ABCB1: variants seen among roughly 807,000 people sequenced by gnomAD.
ABCB1 encodes the protein ATP binding cassette subfamily B member 1, also known as ATP-dependent translocase ABCB1.
In ABCB1, 69 loss-of-function variants were observed where a neutral mutation model predicts 142.0. The ratio of observed to expected loss-of-function variants is 0.49; its 90% confidence interval spans 0.40 to 0.59. The LOEUF (loss-of-function observed/expected upper bound fraction) is 0.59. Ranked by LOEUF, ABCB1 falls within the 20% of genes least tolerant of loss-of-function variation. ABCB1 has a pLI of 0.00. For missense variants in ABCB1, 1,326 were observed against 1,554.7 expected (o/e 0.85, Z 2.47); for synonymous variants, 532 against 539.2 (o/e 0.99, Z 0.18).
intron 4 of ABCB1, among the ~76,000 whole-genome samples, chr7:87,578,915 G>A (rs1490405303): frequency 6.6e-6 from 1 of 151,606 alleles, no homozygotes; most frequent in Admixed American, 6.6e-5. Flanking sequence ...GGATAGTCTC[G>A]ATCTCCTGAC....
Position 87,566,037 on chromosome 7 carries a change from A to G in ABCB1, c.702+33T>C, listed in dbSNP as rs775112289. 2.5e-6 allele frequency: 4 copies of G among 1,612,758 alleles called. No individual in the cohort carries two copies. The East Asian group carries it at 8.9e-5, about 36-fold the overall frequency. ...GTGAGAGCAGGAAGGGAGAAGGTGC[A>G]GTTCAAAATCTGGATTCACAGGCTT... On this transcript the variant is annotated intron_variant, in intron 7 of 27. Transcript: ENST00000622132.
At chr7:87,567,046 C>G in intron 5 of ABCB1, 70 bp from the exon 6 acceptor site, 2 of 1,451,892 alleles carry the variant, frequency 1.4e-6, no homozygotes, top group South Asian at 2.3e-5. Context: ...AAAGAGACCA[C>G]TCATTCCTAT....
chr7:87,646,393 G>A (rs955727160), intron 1 of ABCB1, among the ~76,000 whole-genome samples: 2 of 152,114 alleles, frequency 1.3e-5, no homozygotes, highest in African/African-American at 4.8e-5. Flanking sequence ...GGTGGAAATT[G>A]AGTTCTAACC....
chr7:87,530,753 C>T (rs1228096211), intron 21 of ABCB1, among the ~76,000 whole-genome samples: 1 of 149,120 alleles, frequency 6.7e-6, no homozygotes, highest in Non-Finnish European at 1.5e-5. Flanking sequence ...GGCTTACTTT[C>T]CTCAATAAAG....
intron 1 of ABCB1, among the ~76,000 whole-genome samples, chr7:87,697,132 C>T (rs1485399482): frequency 6.6e-6 from 1 of 152,160 alleles, no homozygotes; most frequent in Non-Finnish European, 1.5e-5. Flanking sequence ...GACCCTTGTA[C>T]ATTTCCTTAA....
chr7:87,567,187 G>A (rs1015344348), intron 5 of ABCB1, among the ~76,000 whole-genome samples: 5 of 152,204 alleles, frequency 3.3e-5, no homozygotes, highest in African/African-American at 1.2e-4. Context: ...TTCTGCTTTG[G>A]CTCAAATCCC....
intron 24 of ABCB1, 64 bp from the exon 25 acceptor site, chr7:87,515,492 ACT>A (rs768348216): frequency 2.8e-5 from 41 of 1,453,774 alleles, no homozygotes; most frequent in Non-Finnish European, 3.8e-5. Context: ...TGTATAGCTA[ACT>A]CTCTCGATTA....
intron 1 of ABCB1, among the ~76,000 whole-genome samples, chr7:87,623,396 C>T (rs1820295854): frequency 6.6e-6 from 1 of 152,196 alleles, no homozygotes; most frequent in African/African-American, 2.4e-5. Context: ...CAGCCTTTAC[C>T]CAATGACTTT....
intron 1 of ABCB1, among the ~76,000 whole-genome samples, chr7:87,702,472 A>C (rs1482359813): frequency 6.6e-6 from 1 of 151,796 alleles, no homozygotes; most frequent in African/African-American, 2.4e-5. Context: ...TAGAGATAAT[A>C]TCTCTCTTTG....
intron 7 of ABCB1, among the ~76,000 whole-genome samples, chr7:87,561,715 G>T (rs1487177981): frequency 6.6e-6 from 1 of 152,200 alleles, no homozygotes; most frequent in Non-Finnish European, 1.5e-5. Context: ...GCCAGGTGTG[G>T]TGGCTCACAC....
intron 9 of ABCB1, 51 bp downstream of exon 9, chr7:87,553,709 AT>A: frequency 6.4e-7 from 1 of 1,555,628 alleles, no homozygotes; most frequent in Non-Finnish European, 8.9e-7. Context: ...ACATTACTGG[AT>A]TTCATTGGCA....
upstream of ABCB1, among the ~76,000 whole-genome samples, chr7:87,601,602 A>G (rs956213212): frequency 1.2e-4 from 18 of 152,178 alleles, no homozygotes; most frequent in African/African-American, 4.3e-4. Context: ...ATTTCCTTCC[A>G]TATTTACTGC....
At chr7:87,626,737 GTGTCATATATA>G (rs1257710271) in intron 1 of ABCB1, among the ~76,000 whole-genome samples, 10,378 of 95,596 alleles carry the variant, frequency 0.11, 1,885 homozygotes, top group African/African-American at 0.2. Context: ...TCATATATAT[GTGTCATATATA>G]TGTCATATAT....
At chr7:87,582,334 A>C (rs1157892687) in intron 4 of ABCB1, among the ~76,000 whole-genome samples, 1 of 152,166 alleles carries the variant, frequency 6.6e-6, no homozygotes, top group African/African-American at 2.4e-5. Context: ...TGATTCCTCT[A>C]TATGGAGTCA....
chr7:87,599,697 C>T (rs1317819814), intron 2 of ABCB1, among the ~76,000 whole-genome samples: 1 of 152,070 alleles, frequency 6.6e-6, no homozygotes, highest in African/African-American at 2.4e-5. Flanking sequence ...CGATAGCAGA[C>T]GAGGGTGACT....
At chr7:87,578,333 T>A (rs990572008) in intron 4 of ABCB1, among the ~76,000 whole-genome samples, 2 of 152,232 alleles carry the variant, frequency 1.3e-5, no homozygotes, top group African/African-American at 4.8e-5. Context: ...TAGTATAATT[T>A]GAAGTCAGGT....
intron 1 of ABCB1, among the ~76,000 whole-genome samples, chr7:87,664,828 A>G (rs1389307509): frequency 6.6e-6 from 1 of 152,202 alleles, no homozygotes; most frequent in East Asian, 1.9e-4. Context: ...AATAATAGCT[A>G]TAAGTTCCTA....
rs575354446 is a variant in ABCB1, at chr7:87,700,001, G to GT, written c.-331+13159dup. On this transcript the variant is annotated intron_variant, in intron 1 of 28. Coordinates refer to the ABCB1 transcript ENST00000265724. Reference sequence around the variant, plus strand: ...AGGAGAAAAGAATTATGGTGGTGGGGTTTTTTTTTCTGTTTTTTTAAATAG... The same window carrying GT: ...AGGAGAAAAGAATTATGGTGGTGGGGTTTTTTTTTTCTGTTTTTTTAAATAG... Among the ~76,000 whole-genome samples, 655 of 150,502 alleles carry GT rather than the reference G, an allele frequency of 4.4e-3. 5 individuals are homozygous for GT. The highest frequency in any genetic ancestry group is 6.1e-3 in the Admixed American group (92 of 15,096).
chr7:87,538,555 C>T (rs1247078652), intron 19 of ABCB1, among the ~76,000 whole-genome samples: 4 of 152,160 alleles, frequency 2.6e-5, no homozygotes, highest in Admixed American at 6.5e-5. Flanking sequence ...CATCATTTTA[C>T]TCAATGGCAA....
Sources: allele counts gnomAD v4.1 joint callset (sites outside exome capture counted in the v4.1 genomes callset), GRCh38; gene constraint gnomAD v4.1.1; transcripts MANE v1.5; gene names NCBI Gene and HGNC (gene_info 2026-07-23, HGNC 2026-07-21).